The following TMEM132D variants were observed in gnomAD, a reference collection of about 807,000 sequenced individuals.
The protein encoded by TMEM132D is transmembrane protein 132D.
In TMEM132D, 21 loss-of-function variants were observed where a neutral mutation model predicts 62.3. The observed-to-expected ratio is 0.34, with a 90% CI of 0.24 to 0.49. The LOEUF is 0.49. TMEM132D is among the 20% of genes least tolerant of loss of function. The pLI, the probability that TMEM132D is intolerant of heterozygous loss-of-function variation, is 0.99. For missense variants in TMEM132D, 1,346 were observed against 1,402.8 expected, an observed-to-expected ratio of 0.96 and a Z score of 0.65; for synonymous variants, 621 against 575.6, an observed-to-expected ratio of 1.08 and a Z score of -1.13.
intron 3 of TMEM132D, among the ~76,000 whole-genome samples, chr12:129,434,575 G>A (rs563094156): frequency 6.6e-6 from 1 of 152,220 alleles, no homozygotes; most frequent in East Asian, 1.9e-4. Flanking sequence ...GGGCTGCAGA[G>A]GAGGCTCCCA....
At chr12:129,444,146 A>G (rs976137882) in intron 3 of TMEM132D, among the ~76,000 whole-genome samples, 1 of 152,190 alleles carries the variant, frequency 6.6e-6, no homozygotes, top group East Asian at 1.9e-4. Flanking sequence ...AAAACCCACA[A>G]CTATAAAAAC....
At chr12:129,684,913 T>C (rs1880869764) in intron 2 of TMEM132D, among the ~76,000 whole-genome samples, 1 of 151,938 alleles carries the variant, frequency 6.6e-6, no homozygotes, top group South Asian at 2.1e-4. Context: ...GATCTGTGGA[T>C]TGAGAGATTG....
chr12:129,364,000 CTTCTT>C (rs1870330031), intron 3 of TMEM132D, among the ~76,000 whole-genome samples: 2 of 152,210 alleles, frequency 1.3e-5, no homozygotes, highest in South Asian at 4.1e-4. Flanking sequence ...TGAACTGCAT[CTTCTT>C]TTATCTCAGG....
intron 3 of TMEM132D, among the ~76,000 whole-genome samples, chr12:129,463,025 A>G (rs538413805): frequency 1.6e-4 from 25 of 152,326 alleles, no homozygotes; most frequent in Admixed American, 1.6e-3. Context: ...TGAAAGTCTT[A>G]AAGAATCTGA....
At chr12:129,776,847 G>T (rs113278916) in intron 1 of TMEM132D, among the ~76,000 whole-genome samples, 4 of 138,048 alleles carry the variant, frequency 2.9e-5, no homozygotes, top group African/African-American at 1.1e-4. Context: ...GGAAAAAAAA[G>T]ACATCTTTTA....
intron 5 of TMEM132D, among the ~76,000 whole-genome samples, chr12:129,107,543 T>C (rs1875541051): frequency 6.6e-6 from 1 of 152,210 alleles, no homozygotes; most frequent in Non-Finnish European, 1.5e-5. Flanking sequence ...AAGAACTCTC[T>C]ATAAAGTTAT....
chr12:129,472,662 G>A lies in TMEM132D; in HGVS notation c.1115+58397C>T, dbSNP rs531153675. 2.0e-5 allele frequency among the ~76,000 whole-genome samples: 3 copies of A among 152,288 alleles called. No homozygotes were observed. In the South Asian group the frequency reaches 6.2e-4, roughly 32 times the overall value. On this transcript the variant is annotated intron_variant, in intron 3 of 8. Coordinates refer to ENST00000422113, the MANE Select transcript of TMEM132D (RefSeq NM_133448.3). ...CTGTTTCATATGCATGAAAAAGGTG[G>A]TTTGTGGACATAGTTGAAATGACAA...
intron 3 of TMEM132D, among the ~76,000 whole-genome samples, chr12:129,529,533 A>G (rs1227700448): frequency 6.6e-6 from 1 of 152,234 alleles, no homozygotes; most frequent in Admixed American, 6.5e-5. Context: ...CTAATGGTTC[A>G]ACTCCCTCAG....
In TMEM132D at chr12:129,503,235, CT is replaced by C. The variant is rs202117164; in HGVS notation, c.1115+27823del. 5.4e-4 allele frequency among the ~76,000 whole-genome samples: 82 copies of C among 152,208 alleles called. No homozygotes were observed. The East Asian group carries it at 0.014, about 26-fold the overall frequency. On this transcript the variant is annotated intron_variant, in intron 3 of 8. Coordinates refer to ENST00000422113, the MANE Select transcript of TMEM132D (RefSeq NM_133448.3). Reference sequence around the variant, plus strand: ...ATATTATTTACTATTTTCTTGGCACCTTTAATATTTATATGTCACATGTAGA... The same window carrying C: ...ATATTATTTACTATTTTCTTGGCACCTTAATATTTATATGTCACATGTAGA...
At chr12:129,758,047 T>C (rs1870228999) in intron 1 of TMEM132D, among the ~76,000 whole-genome samples, 1 of 152,048 alleles carries the variant, frequency 6.6e-6, no homozygotes, top group Non-Finnish European at 1.5e-5. Context: ...GGATTACAGG[T>C]GCCTGCCACC....
intron 3 of TMEM132D, chr12:129,521,463 T>G (rs936500574): frequency 6.6e-6 from 1 of 152,154 alleles, no homozygotes; most frequent in South Asian, 2.1e-4. Flanking sequence ...AAGAGTTCCT[T>G]TTAGAAAAAG....
At chr12:129,420,730 T>G (rs1872294546) in intron 3 of TMEM132D, among the ~76,000 whole-genome samples, 1 of 152,190 alleles carries the variant, frequency 6.6e-6, no homozygotes, top group Admixed American at 6.5e-5. Context: ...TGCTTCACTC[T>G]GAAATCTGTC....
chr12:129,221,215 G>A (rs974930677), intron 4 of TMEM132D, among the ~76,000 whole-genome samples: 7 of 152,156 alleles, frequency 4.6e-5, no homozygotes, highest in African/African-American at 1.7e-4. Context: ...CACCAAGGAG[G>A]CTCTGTGTTC....
intron 4 of TMEM132D, among the ~76,000 whole-genome samples, chr12:129,300,584 T>C (rs1297591587): frequency 6.6e-6 from 1 of 152,222 alleles, no homozygotes; most frequent in Non-Finnish European, 1.5e-5. Flanking sequence ...AAGACTGTGT[T>C]CCTTCTGGAG....
At chr12:129,597,348 T>C (rs995968287) in intron 2 of TMEM132D, among the ~76,000 whole-genome samples, 3 of 152,186 alleles carry the variant, frequency 2.0e-5, no homozygotes, top group Non-Finnish European at 4.4e-5. Context: ...CATAAATTAT[T>C]CTTCAGGCCC....
At chr12:129,722,452 T>C (rs1421008766) in intron 1 of TMEM132D, among the ~76,000 whole-genome samples, 1 of 152,190 alleles carries the variant, frequency 6.6e-6, no homozygotes, top group Non-Finnish European at 1.5e-5. Flanking sequence ...AATTCTAAGA[T>C]GGGAGAAGGC....
chr12:129,687,798 C>G (rs1880968633), intron 2 of TMEM132D, among the ~76,000 whole-genome samples: 1 of 152,154 alleles, frequency 6.6e-6, no homozygotes, highest in Admixed American at 6.5e-5. Flanking sequence ...CTACTCATCT[C>G]TGGAACCCCC....
intron 1 of TMEM132D, among the ~76,000 whole-genome samples, chr12:129,879,021 A>G (rs1288444778): frequency 6.6e-6 from 1 of 152,186 alleles, no homozygotes; most frequent in African/African-American, 2.4e-5. Flanking sequence ...CCACTGTTTG[A>G]CACACAGCTT....
At chr12:129,303,830 G>T (rs1434125112) in intron 4 of TMEM132D, among the ~76,000 whole-genome samples, 1 of 134,768 alleles carries the variant, frequency 7.4e-6, no homozygotes, top group Non-Finnish European at 1.6e-5. Context: ...GGGTGGGTGG[G>T]TTGAGGGGGC....
Sources: gnomAD v4.1 joint callset for allele counts (sites outside exome capture counted in the v4.1 genomes callset) on GRCh38, gnomAD v4.1.1 for gene constraint, MANE v1.5 for transcripts, NCBI Gene and HGNC (gene_info 2026-07-23, HGNC 2026-07-21) for gene names.